SORL1: variants seen among roughly 807,000 people sequenced by gnomAD.
SORL1 encodes sortilin related receptor 1.
SORL1 carries 127 observed loss-of-function variants against 273.7 expected under a neutral mutation model. That is an observed-to-expected ratio of 0.46 (90% CI 0.40 to 0.54). SORL1 has a LOEUF of 0.54. SORL1 is among the 20% of genes least tolerant of loss of function. The pLI is 0.00. For missense variants in SORL1, 2,494 were observed against 2,846.1 expected, an observed-to-expected ratio of 0.88 and a Z score of 2.81; for synonymous variants, 1,031 against 1,067.4, an observed-to-expected ratio of 0.97 and a Z score of 0.66.
rs1008297379 is a variant in SORL1, at chr11:121,570,332, C to T, written c.3337+62C>T. 7 of 1,313,206 alleles carry T rather than the reference C, an allele frequency of 5.3e-6. No individual in the cohort carries two copies. In the African/African-American group the frequency reaches 8.7e-5, roughly 16 times the overall value. The allele number at this position is 1,313,206 out of a possible 1,614,324, so 81.3% of individuals were successfully genotyped here. A position where few individuals can be genotyped will look rare whatever the true frequency, so the allele number is the denominator to read the frequency against. Reference sequence around the variant, plus strand: ...TACTCAGAAGCCTGGTTGGCTCTTCCCAGGCTGAGGGCCTAAGGTCTAGGG... The same window carrying T: ...TACTCAGAAGCCTGGTTGGCTCTTCTCAGGCTGAGGGCCTAAGGTCTAGGG... On this transcript the variant is annotated intron_variant, in intron 23 of 47. Coordinates refer to ENST00000260197, the MANE Select transcript of SORL1 (RefSeq NM_003105.6).
intron 5 of SORL1, among the ~76,000 whole-genome samples, chr11:121,496,010 A>G (rs955342908): frequency 2.6e-5 from 4 of 152,240 alleles, no homozygotes; most frequent in Admixed American, 2.0e-4. Context: ...CTAAAAAATC[A>G]CCCAACTAAA....
At chr11:121,493,696 T>C (rs1291257012) in intron 5 of SORL1, among the ~76,000 whole-genome samples, 2 of 152,268 alleles carry the variant, frequency 1.3e-5, no homozygotes, top group Admixed American at 1.3e-4. Context: ...TCCTAGTTTT[T>C]CATTTGTTTT....
Position 121,554,161 on chromosome 11 carries a change from T to TCCTG in SORL1, c.2439+53_2439+56dup. 1 of 1,539,408 alleles carries TCCTG rather than the reference T, an allele frequency of 6.5e-7. No individual in the cohort carries two copies. On this transcript the variant is annotated intron_variant, in intron 17 of 47. Coordinates refer to ENST00000260197, the MANE Select transcript of SORL1 (RefSeq NM_003105.6). This position sits in a 1 kb window ranked among gnomAD's most constrained non-coding sequence, Gnocchi z 4.6. ...GGAGCTGTGCATCGTGACTGCCCTG[T>TCCTG]CCTGATAAGCTGCATGCAGAATGGC...
intron 3 of SORL1, among the ~76,000 whole-genome samples, chr11:121,478,580 C>T (rs559588986): frequency 3.3e-5 from 5 of 152,190 alleles, no homozygotes; most frequent in Non-Finnish European, 7.4e-5. Flanking sequence ...ACCTTGCAAT[C>T]AAATTCATGT....
chr11:121,592,534 C>T (rs553308687), intron 31 of SORL1, among the ~76,000 whole-genome samples: 3 of 152,330 alleles, frequency 2.0e-5, no homozygotes, highest in Non-Finnish European at 4.4e-5. Context: ...CTTTTCCAGT[C>T]TCATTAAACT....
chr11:121,486,768 T>C (rs1348113992), intron 3 of SORL1, among the ~76,000 whole-genome samples: 3 of 152,246 alleles, frequency 2.0e-5, no homozygotes, highest in African/African-American at 2.4e-5. Context: ...CGCGAGCCAC[T>C]GCGCCCGGCG....
At chr11:121,544,867 C>A (rs1183886646) in intron 13 of SORL1, among the ~76,000 whole-genome samples, 1 of 152,166 alleles carries the variant, frequency 6.6e-6, no homozygotes, top group East Asian at 1.9e-4. Flanking sequence ...GGAAGCAGGC[C>A]AGGAACATTA....
intron 32 of SORL1, among the ~76,000 whole-genome samples, chr11:121,602,902 A>AG (rs1416708508): frequency 6.6e-6 from 1 of 152,206 alleles, no homozygotes; most frequent in Non-Finnish European, 1.5e-5. Flanking sequence ...CACCATGGGC[A>AG]GGGGGCAGGG....
At chr11:121,509,730 C>T (rs2134840236) in intron 6 of SORL1, among the ~76,000 whole-genome samples, 1 of 152,258 alleles carries the variant, frequency 6.6e-6, no homozygotes, top group South Asian at 2.1e-4. Context: ...CCACCTCGGC[C>T]TCCCAAAGTG....
intron 3 of SORL1, among the ~76,000 whole-genome samples, chr11:121,481,655 A>G (rs1861389560): frequency 8.6e-6 from 1 of 116,444 alleles, no homozygotes; most frequent in Non-Finnish European, 1.8e-5. Context: ...ACAGATACCT[A>G]TAGGCAGGTT....
intron 6 of SORL1, among the ~76,000 whole-genome samples, chr11:121,510,765 T>G (rs1234544014): frequency 2.0e-5 from 3 of 152,186 alleles, no homozygotes; most frequent in Admixed American, 6.5e-5. Context: ...TCTGTCACTA[T>G]GTACATATGC....
intron 25 of SORL1, among the ~76,000 whole-genome samples, chr11:121,579,203 G>T (rs772137928): frequency 5.3e-5 from 8 of 152,300 alleles, no homozygotes; most frequent in Admixed American, 3.9e-4. Flanking sequence ...GAAAACTTAA[G>T]AGTCCTTGCT....
At chr11:121,522,867 A>T (rs749772917) in intron 10 of SORL1, 49 bp from the exon 11 acceptor site, 32 of 1,525,048 alleles carry the variant, frequency 2.1e-5, no homozygotes, top group Non-Finnish European at 2.8e-5. Context: ...CAAGGTGATT[A>T]TCTGACATAT....
At chr11:121,514,030 G>T in intron 7 of SORL1, 122 bp from the exon 8 acceptor site, 2 of 1,100,488 alleles carry the variant, frequency 1.8e-6, no homozygotes, top group Non-Finnish European at 2.6e-6. Flanking sequence ...GGAGCTTCCC[G>T]TGGGCTTTAG....
rs188937608 is a variant in SORL1 at position 121,453,471 on chromosome 11, A to G, written c.285+855A>G. On this transcript the variant is annotated intron_variant, in intron 1 of 47. Coordinates refer to ENST00000260197, the MANE Select transcript of SORL1 (RefSeq NM_003105.6). ...ATTAATTTGACCGTGTTATTGCCTC[A>G]TGAGACTCCCAGTCCTGCAGTTAAG... Among the ~76,000 whole-genome samples, 305 of 152,306 alleles carry G rather than the reference A, an allele frequency of 2.0e-3. 2 individuals carry two copies. Among genetic ancestry groups the G allele is most frequent in the Non-Finnish European group, 2.4e-3 (160 of 68,030 alleles).
intron 3 of SORL1, among the ~76,000 whole-genome samples, chr11:121,482,016 A>G (rs1056750415): frequency 1.3e-5 from 2 of 152,044 alleles, no homozygotes; most frequent in African/African-American, 2.4e-5. Context: ...AGCTTCTTCC[A>G]TAGTACACAG....
chr11:121,539,580 C>T (rs184761751), intron 12 of SORL1, among the ~76,000 whole-genome samples: 1 of 151,880 alleles, frequency 6.6e-6, no homozygotes, highest in East Asian at 1.9e-4. Flanking sequence ...GATTATTTTC[C>T]TTGATAAAGA....
rs368193996 is a variant in SORL1, at chr11:121,614,824, T to C, written c.5420-47T>C. On this transcript the variant is annotated intron_variant, in intron 40 of 47. Transcript: ENST00000260197. ...GCATGTACCAAGACACGTTCTTGAC[T>C]AACACCCCCAACTTCCTCCTGGAAT... The C allele has an allele frequency of 7.2e-6, 11 of 1,535,360 alleles. No individual in the cohort carries two copies. The Admixed American group carries it at 1.7e-4, about 24-fold the overall frequency.
At chr11:121,484,265 T>C (rs551264346) in intron 3 of SORL1, among the ~76,000 whole-genome samples, 3 of 152,272 alleles carry the variant, frequency 2.0e-5, no homozygotes, top group Non-Finnish European at 2.9e-5. Context: ...AAGGGAACTA[T>C]TGTGGCAGTG....
Sources: allele counts gnomAD v4.1 joint callset (sites outside exome capture counted in the v4.1 genomes callset), GRCh38; gene constraint gnomAD v4.1.1; non-coding constraint Gnocchi (gnomAD v3.1); transcripts MANE v1.5; gene names NCBI Gene and HGNC (gene_info 2026-07-23, HGNC 2026-07-21).